LPP: variants seen among roughly 807,000 people sequenced by gnomAD.
The protein encoded by LPP is lipoma-preferred partner.
A neutral mutation model predicts 60.4 loss-of-function variants in LPP; 38 were observed. The ratio of observed to expected loss-of-function variants is 0.63; its 90% CI spans 0.49 to 0.83. LPP has a LOEUF of 0.83. LPP is among the 40% of genes least tolerant of loss of function. LPP has a pLI of 0.00. For synonymous variants in LPP, 328 were observed against 290.8 expected (o/e 1.13, Z -1.30); for missense variants, 902 against 783.6 (o/e 1.15, Z -1.80).
At chr3:188,604,669 C>T (rs1175407895) in intron 6 of LPP, among the ~76,000 whole-genome samples, 1 of 151,936 alleles carries the variant, frequency 6.6e-6, no homozygotes, top group Non-Finnish European at 1.5e-5. Context: ...ATAATCTGAC[C>T]AAAGAAATGC....
chr3:188,462,551 T>C (rs1202462684), intron 4 of LPP, among the ~76,000 whole-genome samples: 1 of 31,604 alleles, frequency 3.2e-5, no homozygotes, highest in African/African-American at 1.2e-4. Context: ...GCTTTATATA[T>C]ATATATATAT....
Position 188,866,285 on chromosome 3 carries a change from G to C in LPP, c.1496G>C (p.Cys499Ser). ...RATGKAYHPH[C>S]FTCVMCHRSL... is the part of the protein sequence containing the mutation. The stretch of plus-strand genomic sequence containing the variant: ...ACCGGGAAGGCCTATCATCCTCACT[G>C]TTTCACCTGCGTGATGTGCCACCGC... Residue 499 changes from cysteine (C) to serine (S), a missense_variant, in exon 10 of 12, where the codon TGT (cysteine) becomes TCT (serine). Coordinates refer to ENST00000617246, the MANE Select transcript of LPP (RefSeq NM_001375462.1). The C allele has an allele frequency of 6.3e-7, 1 of 1,593,972 alleles. No homozygotes were observed.
chr3:188,299,280 G>A (rs1008295987), intron 2 of LPP, among the ~76,000 whole-genome samples: 1 of 152,132 alleles, frequency 6.6e-6, no homozygotes, highest in African/African-American at 2.4e-5. Flanking sequence ...AACTTACTGG[G>A]GAGCACGTCG....
rs1553903685 is a variant in LPP at position 188,457,739 on chromosome 3, A to AAAAT, written c.194-26852_194-26851insAATA. Among the ~76,000 whole-genome samples the AAAAT allele has an allele frequency of 1.6e-3, 221 of 140,068 alleles. 1 individual carries two copies. Among genetic ancestry groups the AAAAT allele is most frequent in the East Asian group, 4.6e-3 (22 of 4,794 alleles). 91.9% of individuals were successfully genotyped at this position (140,068 alleles called of 152,430 possible). On this transcript the variant is annotated intron_variant, in intron 4 of 11. Transcript: ENST00000617246. ...AACACTGTCTCTACTAAAAAAAAAA[A>AAAAT]ATATATATATATATATAAAATTAGC...
chr3:188,548,733 G>T (rs1352863616), intron 6 of LPP, among the ~76,000 whole-genome samples: 6 of 152,170 alleles, frequency 3.9e-5, no homozygotes. Context: ...AATCAGGATG[G>T]ACTGGATTTG....
chr3:188,590,786 G>T (rs1050872882), intron 6 of LPP, among the ~76,000 whole-genome samples: 1 of 152,112 alleles, frequency 6.6e-6, no homozygotes, highest in Non-Finnish European at 1.5e-5. Flanking sequence ...ACCCAGTGTT[G>T]CTAGGTCTCT....
chr3:188,338,260 A>G (rs927289315), intron 2 of LPP, among the ~76,000 whole-genome samples: 1 of 152,214 alleles, frequency 6.6e-6, no homozygotes, highest in Admixed American at 6.5e-5. Context: ...CTTGATAAGT[A>G]TCTTAGGGTG....
At chr3:188,789,969 A>G (rs532491157) in intron 9 of LPP, among the ~76,000 whole-genome samples, 1 of 152,314 alleles carries the variant, frequency 6.6e-6, no homozygotes, top group Non-Finnish European at 1.5e-5. Context: ...TAGGAGTACA[A>G]ATTAATACAA....
At chr3:188,687,215 G>A (rs1860954492) in intron 7 of LPP, among the ~76,000 whole-genome samples, 2 of 152,212 alleles carry the variant, frequency 1.3e-5, no homozygotes, top group African/African-American at 4.8e-5. Flanking sequence ...ACCCAGTGAT[G>A]CCTGTGATCT....
At chr3:188,427,381 T>C (rs1221880776) in intron 4 of LPP, among the ~76,000 whole-genome samples, 2 of 152,208 alleles carry the variant, frequency 1.3e-5, no homozygotes, top group Non-Finnish European at 2.9e-5. Context: ...TGGCTGCCCT[T>C]AACATTTTTT....
At chr3:188,592,938 AT>A (rs1288462121) in intron 6 of LPP, among the ~76,000 whole-genome samples, 2 of 152,196 alleles carry the variant, frequency 1.3e-5, no homozygotes, top group Non-Finnish European at 2.9e-5. Flanking sequence ...TTTAAACATT[AT>A]TTAAAAACAT....
At chr3:188,495,598 T>C (rs1339326257) in intron 5 of LPP, among the ~76,000 whole-genome samples, 5 of 152,312 alleles carry the variant, frequency 3.3e-5, no homozygotes, top group Admixed American at 1.3e-4. Context: ...TTAGTAACCA[T>C]GAACCTCCGA....
chr3:188,361,850 GA>G (rs1283541204), intron 3 of LPP, among the ~76,000 whole-genome samples: 2 of 152,146 alleles, frequency 1.3e-5, no homozygotes, highest in African/African-American at 4.8e-5. Flanking sequence ...TTACGGGCGT[GA>G]GCCACTGTGC....
At chr3:188,313,561 T>TGGGAGGTGGAGGTTGCAGTGAGCCAA (rs1754135494) in intron 2 of LPP, among the ~76,000 whole-genome samples, 1 of 150,022 alleles carries the variant, frequency 6.7e-6, no homozygotes, top group African/African-American at 2.5e-5. Flanking sequence ...TCGCTTGAAC[T>TGGGAGGTGGAGGTTGCAGTGAGCCAA]GGGAGGTGGA....
chr3:188,211,405 A>T (rs1734649764), intron 1 of LPP, among the ~76,000 whole-genome samples: 1 of 152,138 alleles, frequency 6.6e-6, no homozygotes, highest in South Asian at 2.1e-4. Flanking sequence ...AAGCCTTTAC[A>T]ACCAACAGTA....
intron 8 of LPP, among the ~76,000 whole-genome samples, chr3:188,738,603 A>G (rs1022929872): frequency 1.3e-5 from 2 of 152,174 alleles, no homozygotes; most frequent in East Asian, 3.9e-4. Flanking sequence ...ATTTTCAAAC[A>G]TAGTCGTTTG....
chr3:188,584,546 C>CGTGTGTGTGTGT (rs35156006), intron 6 of LPP: 19 of 147,410 alleles, frequency 1.3e-4, no homozygotes, highest in East Asian at 1.0e-3. Context: ...TAATTTTAGT[C>CGTGTGTGTGTGT]GTGTGTGTGT....
intron 3 of LPP, among the ~76,000 whole-genome samples, chr3:188,404,567 A>C (rs1419614451): frequency 6.6e-6 from 1 of 152,170 alleles, no homozygotes; most frequent in Non-Finnish European, 1.5e-5. Flanking sequence ...CAGTGAAACT[A>C]TCTGAGGCTC....
At chr3:188,319,635 T>TC (rs1161964778) in intron 2 of LPP, among the ~76,000 whole-genome samples, 14 of 152,294 alleles carry the variant, frequency 9.2e-5, no homozygotes, top group African/African-American at 2.4e-4. Context: ...GGGTGTTCAT[T>TC]CCCCAATAAT....
Sources: gnomAD v4.1 joint callset for allele counts (sites outside exome capture counted in the v4.1 genomes callset) on GRCh38, gnomAD v4.1.1 for gene constraint, MANE v1.5 for transcripts, NCBI Gene and HGNC (gene_info 2026-07-23, HGNC 2026-07-21) for gene names.